The following ZBTB38 variants were observed in gnomAD, a reference collection of about 807,000 sequenced individuals.
ZBTB38 encodes zinc finger and BTB domain containing 38, also known as zinc finger and BTB domain-containing protein 38.
ZBTB38 carries 20 observed loss-of-function variants against 76.8 expected under a neutral mutation model. The ratio of observed to expected loss-of-function variants is 0.26; its 90% CI spans 0.18 to 0.38. The LOEUF (loss-of-function observed/expected upper bound fraction) is 0.38. Ranked by LOEUF, ZBTB38 falls within the 10% of genes least tolerant of loss-of-function variation. The pLI is 1.00. For missense variants in ZBTB38, 1,082 were observed against 1,482.3 expected (o/e 0.73, Z 4.43); for synonymous variants, 504 against 544.2 (o/e 0.93, Z 1.03).
chr3:141,342,402 A>G (rs1277406692), intron 1 of ZBTB38, among the ~76,000 whole-genome samples: 1 of 151,890 alleles, frequency 6.6e-6, no homozygotes, highest in Non-Finnish European at 1.5e-5. Flanking sequence ...CAAAAAAAAA[A>G]AAAAAAAAAG....
intron 5 of ZBTB38, among the ~76,000 whole-genome samples, chr3:141,431,341 A>AAAAAAAAAATATATATATATAT: frequency 1.2e-4 from 12 of 103,268 alleles, no homozygotes; most frequent in East Asian, 3.0e-4. Context: ...AAAAAAAAAA[A>AAAAAAAAAATATATATATATAT]ATATATATAT....
intron 1 of ZBTB38, among the ~76,000 whole-genome samples, 186 bp downstream of exon 1, chr3:141,368,990 G>T (rs944077205): frequency 6.7e-5 from 4 of 59,962 alleles, no homozygotes; most frequent in East Asian, 3.6e-4. Context: ...GATCAGAAAA[G>T]AATGCAAAAA....
chr3:141,376,590 G>A (rs1367974220), intron 2 of ZBTB38, among the ~76,000 whole-genome samples: 1 of 152,132 alleles, frequency 6.6e-6, no homozygotes, highest in African/African-American at 2.4e-5. Flanking sequence ...AGAATGCCTG[G>A]GCCGGTTCAA....
chr3:141,372,282 T>C (rs933428004), intron 2 of ZBTB38, among the ~76,000 whole-genome samples: 5 of 152,238 alleles, frequency 3.3e-5, no homozygotes, highest in African/African-American at 1.2e-4. Flanking sequence ...AAAGTCTGTC[T>C]TTCCAAGTTG....
intron 1 of ZBTB38, among the ~76,000 whole-genome samples, chr3:141,345,469 G>C (rs938917768): frequency 6.6e-6 from 1 of 152,074 alleles, no homozygotes; most frequent in Non-Finnish European, 1.5e-5. Context: ...GCTTCTGCTC[G>C]GCCTGCAGCT....
Position 141,442,451 on chromosome 3 carries a change from C to T in ZBTB38, c.63C>T (p.Ser21=), listed in dbSNP as rs370495436. ...KDDFHSDTVL[S]ILNEQRIRGI... is the part of the protein sequence containing the mutation. ...ACTTTCACAGTGACACGGTACTCTC[C>T]ATCTTAAATGAGCAGCGCATTCGGG... The change falls in exon 6 of 6, where the codon TCC becomes TCT. Residue 21 remains serine (S), a synonymous_variant. Coordinates refer to ENST00000321464, the MANE Select transcript of ZBTB38 (RefSeq NM_001376113.1). The surrounding 1 kb of genome is among the most constrained non-coding windows in gnomAD (Gnocchi z 6.4). The T allele has an allele frequency of 9.9e-6, 16 of 1,614,068 alleles. No individual in the cohort carries two copies. The highest frequency in any genetic ancestry group is 1.3e-5 in the Non-Finnish European group (15 of 1,180,042).
chr3:141,354,608 C>G (rs1379501916), intron 1 of ZBTB38, among the ~76,000 whole-genome samples: 1 of 152,144 alleles, frequency 6.6e-6, no homozygotes, highest in Admixed American at 6.6e-5. Flanking sequence ...TACATCCTCC[C>G]TTGCTCATGG....
chr3:141,384,809 T>C (rs1467504843), intron 3 of ZBTB38: 1 of 152,210 alleles, frequency 6.6e-6, no homozygotes, highest in African/African-American at 2.4e-5. Flanking sequence ...AGAGCCACAT[T>C]TATTTCTGGA....
intron 5 of ZBTB38, chr3:141,426,030 T>C (rs1455971963): frequency 1.5e-6 from 1 of 682,426 alleles, no homozygotes; most frequent in Non-Finnish European, 2.3e-6. Context: ...TTGGATGACA[T>C]ATGTAGGTGA....
At position 141,447,599 on chromosome 3, in the gene ZBTB38, G is replaced by A. The variant is rs1274414093; in HGVS notation, c.*1623G>A. 2 of 152,458 alleles carry A rather than the reference G, an allele frequency of 1.3e-5. No individual in the cohort carries two copies. Among genetic ancestry groups the A allele is most frequent in the African/African-American group, 2.4e-5 (1 of 41,438 alleles). The allele number at this position is 152,458 out of a possible 1,614,324, so 9.4% of individuals were successfully genotyped here. On this transcript the variant is annotated 3_prime_UTR_variant, in exon 6 of 6. Coordinates refer to ENST00000321464, the MANE Select transcript of ZBTB38 (RefSeq NM_001376113.1). ...ACAGAATCCGGAATGCAGTTTCAGC[G>A]TGACCTGCAGTCATTCATGTTCATT...
intron 4 of ZBTB38, among the ~76,000 whole-genome samples, chr3:141,393,708 A>G (rs749369742): frequency 1.5e-4 from 23 of 152,168 alleles, no homozygotes; most frequent in Non-Finnish European, 3.1e-4. Context: ...CCAGGGGGAC[A>G]AAAGGAGATG....
intron 1 of ZBTB38, among the ~76,000 whole-genome samples, chr3:141,353,856 T>G (rs527936565): frequency 6.6e-6 from 1 of 152,256 alleles, no homozygotes; most frequent in Non-Finnish European, 1.5e-5. Flanking sequence ...TATCCTGGAC[T>G]CCAGCAGTTA....
chr3:141,369,513 CCA>C (rs1457165358), intron 1 of ZBTB38, among the ~76,000 whole-genome samples: 2 of 152,146 alleles, frequency 1.3e-5, no homozygotes, highest in African/African-American at 4.8e-5. Flanking sequence ...AAGTTCCTAC[CCA>C]AGAAAGTTAA....
intron 2 of ZBTB38, among the ~76,000 whole-genome samples, chr3:141,372,820 G>A (rs767204744): frequency 2.0e-5 from 3 of 152,210 alleles, no homozygotes; most frequent in Admixed American, 6.5e-5. Flanking sequence ...GAAGGGCAGA[G>A]CCAAAGGTCT....
At chr3:141,334,401 CTTCT>C (rs1160797543) in intron 1 of ZBTB38, among the ~76,000 whole-genome samples, 5 of 122,958 alleles carry the variant, frequency 4.1e-5, no homozygotes, top group Middle Eastern at 8.2e-3. Context: ...TCCTTCCTTC[CTTCT>C]TTCCTTCCTT....
Position 141,326,166 on chromosome 3 carries a change from G to A in ZBTB38, c.-739+1710G>A, listed in dbSNP as rs533948885. ...TAAGACTATTTCAAAGTAATTCTATGAGATAGAGACATACTGGTAGAGAAG... is the reference window on the plus strand; with the variant it reads ...TAAGACTATTTCAAAGTAATTCTATAAGATAGAGACATACTGGTAGAGAAG... On this transcript the variant is annotated intron_variant, in intron 1 of 7. Coordinates refer to the ZBTB38 transcript ENST00000509842. 2.6e-5 allele frequency among the ~76,000 whole-genome samples: 4 copies of A among 152,326 alleles called. No individual in the cohort carries two copies. The East Asian group carries it at 7.7e-4, about 29-fold the overall frequency.
At position 141,448,807 on chromosome 3, in the gene ZBTB38, CCTTA is replaced by C. The variant is rs1396324302; in HGVS notation, c.*2835_*2838del. ...CGTATTATTCAGTTTATTTCTGTTT[CCTTA>C]CTTGTTTACATTCCGTGGTACCTAC... On this transcript the variant is annotated 3_prime_UTR_variant, in exon 6 of 6. Coordinates refer to ENST00000321464, the MANE Select transcript of ZBTB38 (RefSeq NM_001376113.1). 6 of 152,198 alleles carry C rather than the reference CCTTA, an allele frequency of 3.9e-5. No homozygotes were observed. Among genetic ancestry groups the C allele is most frequent in the African/African-American group, 1.2e-4 (5 of 41,520 alleles). The allele number at this position is 152,198 out of a possible 1,614,324, so 9.4% of individuals were successfully genotyped here.
intron 5 of ZBTB38, among the ~76,000 whole-genome samples, chr3:141,431,323 C>CAAAAAAAA (rs71976494): frequency 3.3e-4 from 33 of 101,398 alleles, no homozygotes; most frequent in East Asian, 1.4e-3. Flanking sequence ...GACTTCGTCT[C>CAAAAAAAA]AAAAAAAAAA....
At position 141,444,274 on chromosome 3, in the gene ZBTB38, C is replaced by G. The variant is rs369371423; in HGVS notation, c.1886C>G (p.Pro629Arg). Residue 629 changes from proline (P) to arginine (R), a missense_variant, in exon 6 of 6, where the codon CCA (proline) becomes CGA (arginine). This residue lies in a region of ZBTB38 where 471 missense variants were observed against 581.0 expected (regional missense o/e 0.81). Transcript: ENST00000321464. The surrounding 1 kb of genome is among the most constrained non-coding windows in gnomAD (Gnocchi z 5.1). ...QDTVNTLTNS[P>R]AIPLETSACQ... ...ACTGTAAACACCCTGACCAACAGTC[C>G]AGCCATCCCATTGGAAACATCTGCA... 1 of 1,614,068 alleles carries G rather than the reference C, an allele frequency of 6.2e-7. No homozygotes were observed. The highest frequency in any genetic ancestry group is 1.3e-5 in the African/African-American group (1 of 74,922).
Sources: gnomAD v4.1 joint callset for allele counts (sites outside exome capture counted in the v4.1 genomes callset) on GRCh38, gnomAD v4.1.1 for gene constraint, gnomAD v4.1.1 regional missense constraint, Gnocchi (gnomAD v3.1) non-coding constraint, MANE v1.5 for transcripts, NCBI Gene and HGNC (gene_info 2026-07-23, HGNC 2026-07-21) for gene names.